RFX3: variants seen among roughly 807,000 people sequenced by gnomAD.
The protein encoded by RFX3 is regulatory factor X3.
RFX3 carries 14 observed loss-of-function variants against 98.6 expected under a neutral mutation model. The observed-to-expected ratio is 0.14, with a 90% CI of 0.09 to 0.22. The LOEUF (loss-of-function observed/expected upper bound fraction) is 0.22, where lower values mean the gene tolerates loss of function less well. Ranked by LOEUF, RFX3 falls within the 10% of genes least tolerant of loss-of-function variation. RFX3 has a pLI of 1.00. For synonymous variants in RFX3, 383 were observed against 328.4 expected (o/e 1.17, Z -1.80); for missense variants, 639 against 926.9 (o/e 0.69, Z 4.03).
rs139566048 is a variant in RFX3 at position 3,349,542 on chromosome 9, C to T, written c.118-2778G>A. 3.3e-3 allele frequency among the ~76,000 whole-genome samples: 499 copies of T among 152,014 alleles called. 7 individuals are homozygous for T. The highest frequency in any genetic ancestry group is 0.012 in the African/African-American group (487 of 41,468). ...ACAGGCAATATATTTGGACAGATGACCCTCCTTTCACCCCTGCTGCTTCTA... is the reference window on the plus strand; with the variant it reads ...ACAGGCAATATATTTGGACAGATGATCCTCCTTTCACCCCTGCTGCTTCTA... On this transcript the variant is annotated intron_variant, in intron 2 of 16. Transcript: ENST00000617270.
chr9:3,378,373 A>G (rs1838780858), intron 2 of RFX3, among the ~76,000 whole-genome samples: 1 of 152,166 alleles, frequency 6.6e-6, no homozygotes, highest in Non-Finnish European at 1.5e-5. Context: ...TACATAATCC[A>G]TTAATCCACC....
chr9:3,486,766 G>A (rs559022466), intron 1 of RFX3, among the ~76,000 whole-genome samples: 17 of 152,174 alleles, frequency 1.1e-4, no homozygotes, highest in Non-Finnish European at 7.4e-5. Flanking sequence ...CAGTTACTTC[G>A]AATTTGTGTG....
At chr9:3,424,447 C>T (rs867783763) in intron 1 of RFX3, among the ~76,000 whole-genome samples, 75 of 146,770 alleles carry the variant, frequency 5.1e-4, no homozygotes, top group South Asian at 6.5e-4. Context: ...CTGCAAGCTC[C>T]GCCTCCCGGG....
At chr9:3,227,358 T>C (rs1817900679) in intron 16 of RFX3, among the ~76,000 whole-genome samples, 1 of 152,198 alleles carries the variant, frequency 6.6e-6, no homozygotes, top group Admixed American at 6.5e-5. Flanking sequence ...CAGGTTTCCT[T>C]TGGAGAACTT....
In RFX3 at chr9:3,223,999, T is replaced by G. The variant is rs1424659201; in HGVS notation, c.*1043A>C. ...ATACTTTAGAAACCAGGAAATAGTT[T>G]TGAAGGAAATAACGTTATGTAGGTT... On this transcript the variant is annotated 3_prime_UTR_variant, in exon 17 of 17. Coordinates refer to ENST00000617270, the MANE Select transcript of RFX3 (RefSeq NM_001282116.2). 2 of 152,224 alleles carry G rather than the reference T, an allele frequency of 1.3e-5. No homozygotes were observed. Among genetic ancestry groups the G allele is most frequent in the African/African-American group, 4.8e-5 (2 of 41,458 alleles). The allele number at this position is 152,224 out of a possible 1,614,324, so 9.4% of individuals were successfully genotyped here.
chr9:3,433,477 A>C (rs1844841744), intron 1 of RFX3, among the ~76,000 whole-genome samples: 2 of 152,222 alleles, frequency 1.3e-5, no homozygotes, highest in Admixed American at 1.3e-4. Flanking sequence ...TACAGATAAC[A>C]TAGAAAATAT....
chr9:3,277,254 A>T (rs1357100086), intron 8 of RFX3, 86 bp downstream of exon 8: 8 of 1,384,732 alleles, frequency 5.8e-6, no homozygotes, highest in Non-Finnish European at 8.0e-6. Context: ...TATGTCATTG[A>T]CATCTATAAT....
chr9:3,475,383 C>T (rs1201509554), intron 1 of RFX3, among the ~76,000 whole-genome samples: 1 of 150,886 alleles, frequency 6.6e-6, no homozygotes, highest in Non-Finnish European at 1.5e-5. Context: ...CCAGGCTGTG[C>T]TGTTATTTAT....
chr9:3,410,754 C>G (rs1291883359), intron 1 of RFX3, among the ~76,000 whole-genome samples: 1 of 152,162 alleles, frequency 6.6e-6, no homozygotes, highest in Non-Finnish European at 1.5e-5. Context: ...TTTCCAATTA[C>G]CTCTTTACAT....
In RFX3 at chr9:3,435,381, AT is replaced by A. The variant is rs566185894; in HGVS notation, c.-8-39786del. Among the ~76,000 whole-genome samples the A allele has an allele frequency of 2.1e-5, 3 of 143,618 alleles. No homozygotes were observed. The South Asian group carries it at 6.3e-4, about 30-fold the overall frequency. 94.2% of individuals were successfully genotyped at this position (143,618 alleles called of 152,430 possible). A position where few individuals can be genotyped will look rare whatever the true frequency, so the allele number is the denominator to read the frequency against. ...TCCTTATTCCGTAATCTTTTTGTAT[AT>A]TTAGTTTTTTCCTTTTAAAACTTTT... On this transcript the variant is annotated intron_variant, in intron 1 of 16. Coordinates refer to ENST00000617270, the MANE Select transcript of RFX3 (RefSeq NM_001282116.2).
chr9:3,284,824 T>C (rs1382842257), intron 7 of RFX3, among the ~76,000 whole-genome samples: 2 of 151,734 alleles, frequency 1.3e-5, no homozygotes, highest in Non-Finnish European at 3.0e-5. Flanking sequence ...TCTTTTCAAC[T>C]AACTGAAACT....
intron 2 of RFX3, among the ~76,000 whole-genome samples, chr9:3,368,472 C>T (rs1837455033): frequency 6.6e-6 from 1 of 151,978 alleles, no homozygotes; most frequent in Non-Finnish European, 1.5e-5. Context: ...CTGAGAACAA[C>T]ATAGTTAAGT....
intron 1 of RFX3, among the ~76,000 whole-genome samples, chr9:3,505,032 TATA>T (rs1402577690): frequency 8.1e-5 from 7 of 86,560 alleles, no homozygotes; most frequent in African/African-American, 1.9e-4. Context: ...TTTTAAATAA[TATA>T]ATATATTTTA....
intron 2 of RFX3, among the ~76,000 whole-genome samples, chr9:3,386,528 T>C (rs1272338211): frequency 6.6e-6 from 1 of 152,088 alleles, no homozygotes; most frequent in Non-Finnish European, 1.5e-5. Flanking sequence ...GAGCCAGGAT[T>C]TGAATTTATG....
intron 2 of RFX3, among the ~76,000 whole-genome samples, chr9:3,357,656 G>A (rs1954000545): frequency 6.6e-6 from 1 of 151,862 alleles, no homozygotes; most frequent in South Asian, 2.1e-4. Context: ...TTAGATAAAA[G>A]TAGTAAGTTC....
intron 4 of RFX3, among the ~76,000 whole-genome samples, chr9:3,310,818 A>C (rs1829871748): frequency 6.6e-6 from 1 of 152,194 alleles, no homozygotes; most frequent in Admixed American, 6.5e-5. Context: ...ATATAAAATG[A>C]ATATAAACAA....
chr9:3,508,353 C>T (rs1163708325), intron 1 of RFX3, among the ~76,000 whole-genome samples: 1 of 151,740 alleles, frequency 6.6e-6, no homozygotes, highest in East Asian at 1.9e-4. Flanking sequence ...TTTGTATTTT[C>T]CATTCTAATT....
chr9:3,385,316 G>C (rs577968188), intron 2 of RFX3, among the ~76,000 whole-genome samples: 1 of 152,118 alleles, frequency 6.6e-6, no homozygotes, highest in Non-Finnish European at 1.5e-5. Context: ...AGGCAAATTA[G>C]ATATTAATAG....
chr9:3,325,862 G>C (rs1831852688), intron 4 of RFX3, among the ~76,000 whole-genome samples: 1 of 152,018 alleles, frequency 6.6e-6, no homozygotes, highest in African/African-American at 2.4e-5. Context: ...AAAATACTTA[G>C]AATTTCAAAT....
Sources: allele counts gnomAD v4.1 joint callset (sites outside exome capture counted in the v4.1 genomes callset), GRCh38; gene constraint gnomAD v4.1.1; transcripts MANE v1.5; gene names NCBI Gene and HGNC (gene_info 2026-07-23, HGNC 2026-07-21).